The following RAD23B variants were observed in gnomAD, a reference collection of about 807,000 sequenced individuals.
The protein encoded by RAD23B is lysine-specific demethylase RAD23B.
A neutral mutation model predicts 49.1 loss-of-function variants in RAD23B; 5 were observed. The observed-to-expected ratio is 0.10, with a 90% CI of 0.05 to 0.21. The LOEUF (loss-of-function observed/expected upper bound fraction) is 0.21, where lower values mean the gene tolerates loss of function less well. Ranked by LOEUF, RAD23B falls within the 10% of genes least tolerant of loss-of-function variation. RAD23B has a pLI of 1.00. For synonymous variants in RAD23B, 184 were observed against 165.4 expected (o/e 1.11, Z -0.86); for missense variants, 356 against 486.7 (o/e 0.73, Z 2.53).
intron 9 of RAD23B, among the ~76,000 whole-genome samples, chr9:107,328,061 A>C (rs1466104274): frequency 3.9e-5 from 6 of 152,074 alleles, no homozygotes; most frequent in African/African-American, 1.4e-4. Flanking sequence ...CTTTCAACCT[A>C]CTTGTGTCTT....
chr9:107,311,938 C>CT, intron 5 of RAD23B, among the ~76,000 whole-genome samples: 1 of 152,174 alleles, frequency 6.6e-6, no homozygotes, highest in Non-Finnish European at 1.5e-5. Flanking sequence ...AAAACTTGCT[C>CT]TGAGTTGAGC....
intron 1 of RAD23B, among the ~76,000 whole-genome samples, chr9:107,292,145 TCAAA>T (rs746372083): frequency 2.0e-4 from 31 of 151,582 alleles, no homozygotes; most frequent in Non-Finnish European, 3.4e-4. Flanking sequence ...CTTTTTTTCC[TCAAA>T]CATAGTTATA....
chr9:107,290,889 G>A (rs949185210), intron 1 of RAD23B, among the ~76,000 whole-genome samples: 13 of 152,168 alleles, frequency 8.5e-5, no homozygotes, highest in African/African-American at 3.1e-4. Context: ...ATGCCGTATA[G>A]GATTCCAGTT....
intron 1 of RAD23B, chr9:107,284,943 G>T: frequency 7.7e-7 from 1 of 1,301,524 alleles, no homozygotes; most frequent in Non-Finnish European, 1.0e-6. Context: ...TCAGTAAATG[G>T]AATCGATTAT....
At chr9:107,304,338 A>G (rs1587853548) in intron 3 of RAD23B, among the ~76,000 whole-genome samples, 1 of 152,236 alleles carries the variant, frequency 6.6e-6, no homozygotes, top group Non-Finnish European at 1.5e-5. Flanking sequence ...ATTGGTTATT[A>G]TAAAGTTTTG....
intron 5 of RAD23B, among the ~76,000 whole-genome samples, chr9:107,314,231 A>G (rs550321048): frequency 6.6e-6 from 1 of 152,334 alleles, no homozygotes; most frequent in South Asian, 2.1e-4. Context: ...AGGGAGTACA[A>G]GTGCAGATTT....
At chr9:107,323,818 A>G (rs770294910) in intron 7 of RAD23B, 72 bp from the exon 8 acceptor site, 34 of 1,367,670 alleles carry the variant, frequency 2.5e-5, no homozygotes, top group Non-Finnish European at 3.3e-5. Context: ...TTTGCTGTCT[A>G]AATGTATTAT....
At chr9:107,319,066 C>T (rs1265893848) in intron 6 of RAD23B, among the ~76,000 whole-genome samples, 187 bp downstream of exon 6, 1 of 148,930 alleles carries the variant, frequency 6.7e-6, no homozygotes, top group Non-Finnish European at 1.5e-5. Context: ...AATGGTCCAA[C>T]ATTGTAGTAG....
rs368717892 is a variant in RAD23B at position 107,327,695 on chromosome 9, A to G, written c.1117-1848A>G. Among the ~76,000 whole-genome samples the G allele has an allele frequency of 1.6e-4, 25 of 152,268 alleles. 1 individual carries two copies. The highest frequency in any genetic ancestry group is 5.5e-4 in the African/African-American group (23 of 41,554). ...ACATGGTATTTCTGAAGAATGTTCTATGTATACTGAAGAAGAATATAGTGT... is the reference window on the plus strand; with the variant it reads ...ACATGGTATTTCTGAAGAATGTTCTGTGTATACTGAAGAAGAATATAGTGT... On this transcript the variant is annotated intron_variant, in intron 9 of 9. Transcript: ENST00000358015.
rs951655428 is a variant in RAD23B at position 107,308,121 on chromosome 9, T to TA, written c.497+1485dup. 4.0e-3 allele frequency among the ~76,000 whole-genome samples: 592 copies of TA among 146,276 alleles called. 5 individuals are homozygous for TA. Among genetic ancestry groups the TA allele is most frequent in the Middle Eastern group, 7.0e-3 (2 of 286 alleles). On this transcript the variant is annotated intron_variant, in intron 4 of 9. Coordinates refer to ENST00000358015, the MANE Select transcript of RAD23B (RefSeq NM_002874.5). ...CTCTTAATTGCTTTAAGCTCCTTTT[T>TA]AAAAAAAAAAAGCTTACAGTGTGAG...
Position 107,331,923 on chromosome 9 carries a change from GT to G in RAD23B, c.*2271del. ...GCTGTTAATGTTTAATTTACAAACT[GT>G]TTTGGTAAATCTCTTAATGTAAGTA... On this transcript the variant is annotated 3_prime_UTR_variant, in exon 10 of 10. Transcript: ENST00000358015. The G allele has an allele frequency of 4.3e-6, 2 of 470,204 alleles. No homozygotes were observed. The highest frequency in any genetic ancestry group is 7.5e-6 in the Non-Finnish European group (2 of 265,930). 29.1% of individuals were successfully genotyped at this position (470,204 alleles called of 1,614,324 possible). A position where few individuals can be genotyped will look rare whatever the true frequency, so the allele number is the denominator to read the frequency against.
chr9:107,309,405 A>G (rs377595681), intron 4 of RAD23B, among the ~76,000 whole-genome samples: 29 of 152,366 alleles, frequency 1.9e-4, no homozygotes, highest in African/African-American at 7.0e-4. Flanking sequence ...GCAGAAGAGT[A>G]TAGGCAATAA....
chr9:107,309,760 T>G (rs1386664355), intron 4 of RAD23B, among the ~76,000 whole-genome samples: 2 of 151,706 alleles, frequency 1.3e-5, no homozygotes, highest in Non-Finnish European at 2.9e-5. Context: ...TGAAACCCCG[T>G]CTCTACTAAA....
In RAD23B at chr9:107,283,715, G is replaced by T; in HGVS notation, c.66+20G>T. ...GAGACGGTATGCGCGCGGGCCGGGGGCAGGGGCAGCCGCGTGCGGGCCGCG... is the reference window on the plus strand; with the variant it reads ...GAGACGGTATGCGCGCGGGCCGGGGTCAGGGGCAGCCGCGTGCGGGCCGCG... On this transcript the variant is annotated intron_variant, in intron 1 of 9. Transcript: ENST00000358015. 2 of 1,448,954 alleles carry T rather than the reference G, an allele frequency of 1.4e-6. No individual in the cohort carries two copies. The highest frequency in any genetic ancestry group is 9.1e-7 in the Non-Finnish European group (1 of 1,094,898). The allele number at this position is 1,448,954 out of a possible 1,614,324, so 89.8% of individuals were successfully genotyped here. A position where few individuals can be genotyped will look rare whatever the true frequency, so the allele number is the denominator to read the frequency against.
rs576599794 is a variant in RAD23B, at chr9:107,297,097, C to G, written c.67-3044C>G. Among the ~76,000 whole-genome samples the G allele has an allele frequency of 7.9e-4, 120 of 152,130 alleles. 1 individual carries two copies. The highest frequency in any genetic ancestry group is 2.7e-3 in the African/African-American group (114 of 41,506). ...GTGATCTCTTAACCTTGTGATCTGC[C>G]CGCCTTGGCCTCCCAAAGTGCTGGG... is the stretch of plus-strand genomic sequence containing the variant. On this transcript the variant is annotated intron_variant, in intron 1 of 9. Coordinates refer to ENST00000358015, the MANE Select transcript of RAD23B (RefSeq NM_002874.5).
intron 3 of RAD23B, among the ~76,000 whole-genome samples, chr9:107,302,778 C>T (rs1041002950): frequency 2.0e-5 from 3 of 151,706 alleles, no homozygotes; most frequent in African/African-American, 7.3e-5. Flanking sequence ...GCCTCAGCCT[C>T]CCTAGTAGCT....
chr9:107,317,265 A>G (rs954859217), intron 5 of RAD23B, among the ~76,000 whole-genome samples: 3 of 152,080 alleles, frequency 2.0e-5, no homozygotes, highest in Middle Eastern at 3.4e-3. Context: ...TTTGGGGTGT[A>G]ATTTAGAGAT....
intron 1 of RAD23B, 44 bp downstream of exon 1, chr9:107,283,739 C>T: frequency 2.9e-6 from 4 of 1,385,594 alleles, no homozygotes; most frequent in Non-Finnish European, 3.8e-6. Context: ...GTGCGGGCCG[C>T]GGGGAGCGCC....
At chr9:107,291,840 T>C (rs529667382) in intron 1 of RAD23B, among the ~76,000 whole-genome samples, 1 of 152,266 alleles carries the variant, frequency 6.6e-6, no homozygotes, top group Non-Finnish European at 1.5e-5. Context: ...TTGCCAAAAT[T>C]TAATTGCTGC....
Sources: allele counts gnomAD v4.1 joint callset (sites outside exome capture counted in the v4.1 genomes callset), GRCh38; gene constraint gnomAD v4.1.1; transcripts MANE v1.5; gene names NCBI Gene and HGNC (gene_info 2026-07-23, HGNC 2026-07-21).